Variants in PDE3B observed in about 807,000 individuals in gnomAD.
PDE3B encodes phosphodiesterase 3B, also known as cGMP-inhibited 3',5'-cyclic phosphodiesterase 3B.
Under a neutral mutation model 116.8 loss-of-function variants are expected in PDE3B, and 66 were observed. That is an observed-to-expected ratio of 0.56 (90% confidence interval 0.46 to 0.69). The LOEUF (loss-of-function observed/expected upper bound fraction) is 0.69. Among genes scored for constraint, PDE3B ranks in the 30% least tolerant of loss-of-function variants. The pLI, the probability that PDE3B is intolerant of heterozygous loss-of-function variation, is 0.00. For missense variants in PDE3B, 1,384 were observed against 1,368.1 expected, an observed-to-expected ratio of 1.01 and a Z score of -0.18; for synonymous variants, 595 against 533.6, an observed-to-expected ratio of 1.12 and a Z score of -1.59.
chr11:14,772,448 TAC>T (rs1443683792), intron 2 of PDE3B: 1 of 152,820 alleles, frequency 6.5e-6, no homozygotes, highest in Non-Finnish European at 1.5e-5. Flanking sequence ...AATTATAACA[TAC>T]ATGCAGGAAA....
At chr11:14,872,832 C>T (rs782819270), downstream of PDE3B, among the ~76,000 whole-genome samples, 18 of 152,110 alleles carry the variant, frequency 1.2e-4, no homozygotes, top group Non-Finnish European at 1.5e-4. Context: ...CATTTGGTTG[C>T]GGATGCAGAA....
At chr11:14,783,068 C>T (rs1303448885) in intron 2 of PDE3B, among the ~76,000 whole-genome samples, 1 of 152,240 alleles carries the variant, frequency 6.6e-6, no homozygotes, top group Admixed American at 6.5e-5. Context: ...GATACCATCT[C>T]ACACCAGTTA....
intron 1 of PDE3B, among the ~76,000 whole-genome samples, chr11:14,721,847 G>C (rs1325858035): frequency 7.4e-6 from 1 of 134,230 alleles, no homozygotes; most frequent in Non-Finnish European, 1.6e-5. Context: ...AGTGGGTGCA[G>C]CACACCAGCA....
intron 1 of PDE3B, among the ~76,000 whole-genome samples, chr11:14,734,778 T>C (rs1406468717): frequency 6.6e-6 from 1 of 152,218 alleles, no homozygotes; most frequent in East Asian, 1.9e-4. Flanking sequence ...CATTTTGCTA[T>C]ATCTCCTCTT....
intron 1 of PDE3B, among the ~76,000 whole-genome samples, chr11:14,753,736 G>A (rs935040490): frequency 1.3e-5 from 2 of 152,018 alleles, no homozygotes; most frequent in Non-Finnish European, 2.9e-5. Flanking sequence ...AACTCCCCAG[G>A]TTTTTAAATA....
At chr11:14,650,784 G>A (rs1853551227) in intron 1 of PDE3B, among the ~76,000 whole-genome samples, 1 of 151,974 alleles carries the variant, frequency 6.6e-6, no homozygotes, top group African/African-American at 2.4e-5. Context: ...GATGAAAGAA[G>A]GGGACCCTGA....
intron 5 of PDE3B, among the ~76,000 whole-genome samples, chr11:14,814,980 A>G (rs1296754790): frequency 6.6e-6 from 1 of 151,444 alleles, no homozygotes; most frequent in African/African-American, 2.4e-5. Context: ...AAAAAAAGAA[A>G]AAAAAAAAAA....
chr11:14,658,866 G>A (rs1396300521), intron 1 of PDE3B, among the ~76,000 whole-genome samples: 3 of 151,920 alleles, frequency 2.0e-5, no homozygotes, highest in Non-Finnish European at 2.9e-5. Context: ...TTAAATTCAG[G>A]GACAGTATCT....
At chr11:14,662,554 C>A (rs1259418600) in intron 1 of PDE3B, among the ~76,000 whole-genome samples, 1 of 151,906 alleles carries the variant, frequency 6.6e-6, no homozygotes, top group Admixed American at 6.6e-5. Context: ...AAGTTGAAAA[C>A]TTTGAAAAAA....
chr11:14,756,982 GT>G (rs1446283073), intron 1 of PDE3B, among the ~76,000 whole-genome samples: 5 of 126,926 alleles, frequency 3.9e-5, no homozygotes, highest in African/African-American at 1.6e-4. Context: ...TCCCCAGAGT[GT>G]GATATTCCCC....
At chr11:14,683,936 T>C (rs766523581) in intron 1 of PDE3B, among the ~76,000 whole-genome samples, 12 of 152,216 alleles carry the variant, frequency 7.9e-5, no homozygotes, top group Non-Finnish European at 1.6e-4. Flanking sequence ...TGCTGGCTTA[T>C]TTAGAAGTTA....
At chr11:14,721,124 A>G (rs1290097602) in intron 1 of PDE3B, among the ~76,000 whole-genome samples, 2 of 150,320 alleles carry the variant, frequency 1.3e-5, no homozygotes, top group African/African-American at 4.9e-5. Context: ...GGACATGAAC[A>G]GACACTTCTC....
chr11:14,823,902 G>T (rs1340801940), intron 7 of PDE3B, among the ~76,000 whole-genome samples: 1 of 152,198 alleles, frequency 6.6e-6, no homozygotes, highest in Non-Finnish European at 1.5e-5. Context: ...GCCAGTAGCA[G>T]CTCTGGAACT....
intron 12 of PDE3B, among the ~76,000 whole-genome samples, chr11:14,846,062 G>A (rs1049886732): frequency 6.6e-5 from 10 of 152,106 alleles, no homozygotes; most frequent in Admixed American, 5.9e-4. Context: ...TTGAAATGAA[G>A]GAAAAAAATG....
chr11:14,749,111 A>G (rs1590113031), intron 1 of PDE3B, among the ~76,000 whole-genome samples: 1 of 151,766 alleles, frequency 6.6e-6, no homozygotes, highest in African/African-American at 2.4e-5. Flanking sequence ...CTGGTGTCAA[A>G]CTCTTGGCCT....
chr11:14,726,496 T>C (rs899289946), intron 1 of PDE3B, among the ~76,000 whole-genome samples: 4 of 152,164 alleles, frequency 2.6e-5, no homozygotes, highest in African/African-American at 9.7e-5. Flanking sequence ...AGCATATAAA[T>C]GGTCATTTAC....
chr11:14,894,222 T>G, the PDE3B span, among the ~76,000 whole-genome samples: 3 of 152,186 alleles, frequency 2.0e-5, no homozygotes, highest in South Asian at 6.2e-4. Context: ...TAATCAATAA[T>G]CTAATAAAAT....
intron 1 of PDE3B, among the ~76,000 whole-genome samples, chr11:14,736,105 T>A (rs948657430): frequency 6.6e-6 from 1 of 152,082 alleles, no homozygotes; most frequent in Non-Finnish European, 1.5e-5. Context: ...GGCTAAGCCT[T>A]TGATCCAGGC....
intron 1 of PDE3B, among the ~76,000 whole-genome samples, chr11:14,661,456 T>C (rs951899587): frequency 9.9e-5 from 15 of 152,108 alleles, no homozygotes; most frequent in Admixed American, 3.3e-4. Flanking sequence ...ACAGTGGGCG[T>C]AGGACAGTGG....
Sources: allele counts gnomAD v4.1 joint callset (sites outside exome capture counted in the v4.1 genomes callset), GRCh38; gene constraint gnomAD v4.1.1; transcripts MANE v1.5; gene names NCBI Gene and HGNC (gene_info 2026-07-23, HGNC 2026-07-21).